The following MMP26 variants were observed in gnomAD, a reference collection of about 807,000 sequenced individuals.
The protein encoded by MMP26 is matrix metalloproteinase-26.
In MMP26, 33 loss-of-function variants were observed where a neutral mutation model predicts 31.0. That is an observed-to-expected ratio of 1.06 (90% CI 0.81 to 1.42). The LOEUF is 1.42. Ranked by LOEUF, MMP26 falls within the 40% of genes most tolerant of loss-of-function variation. The probability of loss-of-function intolerance (pLI) is 0.00; values close to 1 mark genes in which losing one functional copy is unlikely to be tolerated. For missense variants in MMP26, 347 were observed against 316.1 expected, an observed-to-expected ratio of 1.10 and a Z score of -0.74; for synonymous variants, 122 against 114.9, an observed-to-expected ratio of 1.06 and a Z score of -0.40.
chr11:4,820,436 T>C (rs750600597), intron 2 of MMP26, among the ~76,000 whole-genome samples: 1 of 152,192 alleles, frequency 6.6e-6, no homozygotes, highest in Non-Finnish European at 1.5e-5. Flanking sequence ...TTATTTATCA[T>C]AGTGTAGTGC....
At chr11:4,782,074 G>A (rs1229601317) in intron 2 of MMP26, among the ~76,000 whole-genome samples, 1 of 152,078 alleles carries the variant, frequency 6.6e-6, no homozygotes, top group African/African-American at 2.4e-5. Context: ...GCAGTAAATT[G>A]GTACCAGTAG....
At chr11:4,850,582 A>G (rs1235278902) in intron 2 of MMP26, among the ~76,000 whole-genome samples, 1 of 152,120 alleles carries the variant, frequency 6.6e-6, no homozygotes, top group Non-Finnish European at 1.5e-5. Context: ...CAAAAAGACC[A>G]CGAAAATTGG....
rs543771860 is a variant in MMP26 at position 4,710,196 on chromosome 11, G to A, written c.-217+5151G>A. ...CCTGGCCATTGTTATCTCTACTGCT[G>A]GCTTAGACTCTGTCTTGATCCTCAT... is the stretch of plus-strand genomic sequence containing the variant. On this transcript the variant is annotated intron_variant, in intron 1 of 7. Coordinates refer to ENST00000380390, the MANE Select transcript of MMP26 (RefSeq NM_021801.5). The A allele has an allele frequency of 1.1e-4, 52 of 456,758 alleles. No homozygotes were observed. The East Asian group carries it at 3.0e-3, about 26-fold the overall frequency. 28.3% of individuals were successfully genotyped at this position (456,758 alleles called of 1,614,324 possible). A position where few individuals can be genotyped will look rare whatever the true frequency, so the allele number is the denominator to read the frequency against.
At chr11:4,883,259 A>G (rs769792061) in intron 2 of MMP26, among the ~76,000 whole-genome samples, 9 of 151,270 alleles carry the variant, frequency 5.9e-5, no homozygotes, top group Non-Finnish European at 1.0e-4. Context: ...CCCTGAGGTG[A>G]TATTTCCAGT....
At position 4,988,093 on chromosome 11, in the gene MMP26, A is replaced by T; in HGVS notation, c.-119A>T. The T allele has an allele frequency of 1.1e-6, 1 of 876,292 alleles. No individual in the cohort carries two copies. Among genetic ancestry groups the T allele is most frequent in the Admixed American group, 1.8e-5 (1 of 56,194 alleles). The allele number at this position is 876,292 out of a possible 1,614,324, so 54.3% of individuals were successfully genotyped here. A position where few individuals can be genotyped will look rare whatever the true frequency, so the allele number is the denominator to read the frequency against. ...GTATGGATGATGACGCCACTCACAG[A>T]TTCAAAGAAAGGGCAAACTGGCAGA... On this transcript the variant is annotated 5_prime_UTR_variant, in exon 3 of 8. Coordinates refer to ENST00000380390, the MANE Select transcript of MMP26 (RefSeq NM_021801.5).
intron 2 of MMP26, among the ~76,000 whole-genome samples, chr11:4,855,267 T>C (rs1850033784): frequency 6.6e-6 from 1 of 152,084 alleles, no homozygotes; most frequent in Non-Finnish European, 1.5e-5. Flanking sequence ...AATAACAAAC[T>C]TCTCTGAGCT....
At chr11:4,721,465 C>T (rs140631649) in intron 1 of MMP26, among the ~76,000 whole-genome samples, 46 of 152,314 alleles carry the variant, frequency 3.0e-4, no homozygotes, top group African/African-American at 9.9e-4. Context: ...CACTTCAGGT[C>T]TCCTGTGCAA....
rs61746977 is a variant in MMP26, at chr11:4,804,300, C to A, written c.-145+36959C>A. 1.6e-4 allele frequency: 251 copies of A among 1,614,068 alleles called. 2 individuals are homozygous for A. In the African/African-American group the frequency reaches 2.5e-3, roughly 16 times the overall value. ...CACAGAACGGAAAGGCAATCCACAA[C>A]TGGAAACTCTCCAGGCCTGGGATTC... is the stretch of plus-strand genomic sequence containing the variant. On this transcript the variant is annotated intron_variant, in intron 2 of 7. Coordinates refer to ENST00000380390, the MANE Select transcript of MMP26 (RefSeq NM_021801.5).
Position 4,905,832 on chromosome 11 carries a change from C to T in MMP26, c.-144-82236C>T, listed in dbSNP as rs553125106. On this transcript the variant is annotated intron_variant, in intron 2 of 7. Coordinates refer to ENST00000380390, the MANE Select transcript of MMP26 (RefSeq NM_021801.5). ...ATAAGTTGCAAGATTGCATATTTTA[C>T]TTCTGAAAGTAAACTTGTATGCTTT... Among the ~76,000 whole-genome samples the T allele has an allele frequency of 7.2e-5, 11 of 152,150 alleles. No individual in the cohort carries two copies. The East Asian group carries it at 1.9e-3, about 27-fold the overall frequency.
At chr11:4,988,500 A>T (rs986803917) in intron 3 of MMP26, among the ~76,000 whole-genome samples, 190 bp downstream of exon 3, 1 of 152,184 alleles carries the variant, frequency 6.6e-6, no homozygotes, top group South Asian at 2.1e-4. Context: ...AATTTTTTGT[A>T]GCCCCTAAAA....
chr11:4,897,151 A>AT (rs1018403293), intron 2 of MMP26, among the ~76,000 whole-genome samples: 1 of 151,192 alleles, frequency 6.6e-6, no homozygotes, highest in Non-Finnish European at 1.5e-5. Context: ...TTTTTTGTTT[A>AT]TTTTTTTTGG....
intron 2 of MMP26, among the ~76,000 whole-genome samples, chr11:4,784,426 A>G (rs971317600): frequency 2.0e-5 from 3 of 152,194 alleles, no homozygotes; most frequent in African/African-American, 7.2e-5. Context: ...CCTTGTTTGG[A>G]AAAGGGGTCT....
intron 2 of MMP26, among the ~76,000 whole-genome samples, chr11:4,976,590 T>C (rs1846738958): frequency 6.6e-6 from 1 of 152,010 alleles, no homozygotes; most frequent in African/African-American, 2.4e-5. Flanking sequence ...TGTATTGATC[T>C]TGATGGTCTG....
intron 2 of MMP26, among the ~76,000 whole-genome samples, chr11:4,981,966 G>A (rs1846819663): frequency 6.6e-6 from 1 of 151,790 alleles, no homozygotes; most frequent in African/African-American, 2.4e-5. Context: ...GGTGCATGGA[G>A]TTGTCATCTC....
At position 4,705,832 on chromosome 11, in the gene MMP26, C is replaced by CA. The variant is rs1414594103; in HGVS notation, c.-217+793dup. ...GTGAAACCCCATCTCTACTAAAATA[C>CA]AAAAAATTAGCTGGGTGTGGTGGCA... On this transcript the variant is annotated intron_variant, in intron 1 of 7. Transcript: ENST00000380390. Among the ~76,000 whole-genome samples, 5 of 151,604 alleles carry CA rather than the reference C, an allele frequency of 3.3e-5. No individual in the cohort carries two copies. In the East Asian group the frequency reaches 9.7e-4, roughly 29 times the overall value.
intron 2 of MMP26, among the ~76,000 whole-genome samples, chr11:4,850,600 A>G (rs1310737246): frequency 6.6e-6 from 1 of 152,212 alleles, no homozygotes; most frequent in Non-Finnish European, 1.5e-5. Context: ...TGGGATCTAA[A>G]GAAAAGTAAA....
chr11:4,773,595 GTTT>G (rs3065888), intron 2 of MMP26, among the ~76,000 whole-genome samples: 3 of 108,372 alleles, frequency 2.8e-5, no homozygotes, highest in Non-Finnish European at 4.3e-5. Flanking sequence ...TGTTTGTGGG[GTTT>G]TTTTTTTTTT....
intron 1 of MMP26, among the ~76,000 whole-genome samples, chr11:4,714,629 G>A (rs1847902000): frequency 6.6e-6 from 1 of 152,164 alleles, no homozygotes; most frequent in African/African-American, 2.4e-5. Flanking sequence ...GATGTAAAGT[G>A]CTTATTTGGA....
At chr11:4,945,867 G>T in intron 2 of MMP26, 1 of 408,872 alleles carries the variant, frequency 2.4e-6, no homozygotes, top group Non-Finnish European at 4.5e-6. Flanking sequence ...TCCAACTTCT[G>T]TCAGAGCTGT....
Sources: gnomAD v4.1 joint callset for allele counts (sites outside exome capture counted in the v4.1 genomes callset) on GRCh38, gnomAD v4.1.1 for gene constraint, MANE v1.5 for transcripts, NCBI Gene and HGNC (gene_info 2026-07-23, HGNC 2026-07-21) for gene names.